The following ADAMTS6 variants were observed in gnomAD, a reference collection of about 807,000 sequenced individuals.
ADAMTS6 encodes the protein ADAM metallopeptidase with thrombospondin type 1 motif 6.
ADAMTS6 carries 23 observed loss-of-function variants against 144.3 expected under a neutral mutation model. That is an observed-to-expected ratio of 0.16 (90% CI 0.11 to 0.23). ADAMTS6 has a LOEUF of 0.23. Ranked by LOEUF, ADAMTS6 falls within the 10% of genes least tolerant of loss-of-function variation. ADAMTS6 has a pLI of 1.00. For missense variants in ADAMTS6, 999 were observed against 1,379.6 expected (o/e 0.72, Z 4.37); for synonymous variants, 444 against 457.5 (o/e 0.97, Z 0.38).
At chr5:65,457,357 T>C (rs1759289479) in intron 4 of ADAMTS6, among the ~76,000 whole-genome samples, 2 of 152,090 alleles carry the variant, frequency 1.3e-5, no homozygotes, top group South Asian at 4.1e-4. Context: ...GGCAAGTGAA[T>C]TAAAAACATT....
chr5:65,313,507 C>A (rs188891518), intron 9 of ADAMTS6, among the ~76,000 whole-genome samples: 6 of 151,580 alleles, frequency 4.0e-5, no homozygotes, highest in African/African-American at 1.5e-4. Flanking sequence ...TCTTACTGGC[C>A]CTGACCAAAA....
chr5:65,229,916 T>C (rs960042819), intron 15 of ADAMTS6, among the ~76,000 whole-genome samples: 1 of 152,050 alleles, frequency 6.6e-6, no homozygotes. Flanking sequence ...AGCTCAAAGA[T>C]CTCTAATAAG....
At chr5:65,196,809 C>G (rs1755415192) in intron 21 of ADAMTS6, among the ~76,000 whole-genome samples, 1 of 151,978 alleles carries the variant, frequency 6.6e-6, no homozygotes, top group Non-Finnish European at 1.5e-5. Context: ...CATTGAAGTT[C>G]CTGCTTTAAA....
intron 7 of ADAMTS6, among the ~76,000 whole-genome samples, chr5:65,421,108 C>G (rs974526778): frequency 1.3e-5 from 2 of 152,124 alleles, no homozygotes; most frequent in African/African-American, 2.4e-5. Flanking sequence ...TTAGTCACCA[C>G]GTTGACTGTT....
intron 24 of ADAMTS6, among the ~76,000 whole-genome samples, chr5:65,152,249 G>T (rs1752179070): frequency 6.6e-6 from 1 of 152,194 alleles, no homozygotes; most frequent in South Asian, 2.1e-4. Flanking sequence ...TAGGATAAGT[G>T]ATCACTTTAG....
chr5:65,154,780 A>G (rs1752318776), intron 24 of ADAMTS6, among the ~76,000 whole-genome samples: 1 of 152,270 alleles, frequency 6.6e-6, no homozygotes. Context: ...TCTCATTATT[A>G]ACAGCAAAAC....
At chr5:65,365,043 A>G (rs1157377422) in intron 7 of ADAMTS6, among the ~76,000 whole-genome samples, 1 of 152,182 alleles carries the variant, frequency 6.6e-6, no homozygotes, top group African/African-American at 2.4e-5. Context: ...GCAGAGAGGA[A>G]CTACTTAACT....
chr5:65,448,561 T>C (rs947547770), intron 7 of ADAMTS6, among the ~76,000 whole-genome samples: 62 of 152,100 alleles, frequency 4.1e-4, no homozygotes, highest in Admixed American at 2.1e-3. Flanking sequence ...CATGCCATTC[T>C]CCTGCCTCAG....
chr5:65,411,463 A>G (rs1277587351), intron 7 of ADAMTS6, among the ~76,000 whole-genome samples: 1 of 152,222 alleles, frequency 6.6e-6, no homozygotes. Context: ...CCAAATTTCT[A>G]TAAATGACTG....
chr5:65,290,798 A>AT (rs1173812483), intron 11 of ADAMTS6, among the ~76,000 whole-genome samples: 3 of 151,198 alleles, frequency 2.0e-5, no homozygotes, highest in South Asian at 2.1e-4. Context: ...TGATGCCTAC[A>AT]TTTTTTTTTC....
At chr5:65,428,843 T>C (rs1756765884) in intron 7 of ADAMTS6, among the ~76,000 whole-genome samples, 2 of 151,916 alleles carry the variant, frequency 1.3e-5, no homozygotes, top group Non-Finnish European at 2.9e-5. Context: ...CACACAAAAA[T>C]ACTACAGAAA....
At chr5:65,318,659 T>C (rs994085908) in intron 9 of ADAMTS6, among the ~76,000 whole-genome samples, 2 of 152,132 alleles carry the variant, frequency 1.3e-5, no homozygotes, top group African/African-American at 4.8e-5. Flanking sequence ...TTTTCACTTA[T>C]TTGTGGGAGC....
chr5:65,319,101 A>G (rs183609745), intron 9 of ADAMTS6, among the ~76,000 whole-genome samples: 152 of 152,312 alleles, frequency 1.0e-3, no homozygotes, highest in African/African-American at 3.5e-3. Flanking sequence ...TTTCAATATT[A>G]GAAAGATTAA....
intron 7 of ADAMTS6, chr5:65,415,615 C>A: frequency 3.1e-6 from 1 of 324,136 alleles, no homozygotes; most frequent in Non-Finnish European, 6.1e-6. Context: ...ATCAAGGAGT[C>A]TGAGATCACT....
chr5:65,399,370 A>G (rs985738836), intron 7 of ADAMTS6, among the ~76,000 whole-genome samples: 1 of 152,184 alleles, frequency 6.6e-6, no homozygotes, highest in African/African-American at 2.4e-5. Flanking sequence ...GATATTCACA[A>G]TATTTATTAA....
chr5:65,209,388 G>C (rs1197494759), intron 20 of ADAMTS6, among the ~76,000 whole-genome samples: 1 of 152,168 alleles, frequency 6.6e-6, no homozygotes. Flanking sequence ...TTTTGGGCTT[G>C]GATTTCTCTC....
chr5:65,347,867 T>C (rs758853314), intron 7 of ADAMTS6, among the ~76,000 whole-genome samples: 2 of 152,064 alleles, frequency 1.3e-5, no homozygotes, highest in Non-Finnish European at 2.9e-5. Context: ...GCAAATGACA[T>C]GAACAGACAT....
At chr5:65,213,565 G>T (rs1187389654) in intron 20 of ADAMTS6, among the ~76,000 whole-genome samples, 1 of 151,742 alleles carries the variant, frequency 6.6e-6, no homozygotes, top group African/African-American at 2.4e-5. Flanking sequence ...AGCCCAGGAG[G>T]TTGAGGCTGC....
intron 12 of ADAMTS6, among the ~76,000 whole-genome samples, chr5:65,271,733 T>C (rs183875002): frequency 3.3e-5 from 5 of 152,296 alleles, no homozygotes; most frequent in African/African-American, 1.2e-4. Flanking sequence ...AAGAAACAGA[T>C]TCTCCCTGTG....
Sources: allele counts gnomAD v4.1 joint callset (sites outside exome capture counted in the v4.1 genomes callset), GRCh38; gene constraint gnomAD v4.1.1; transcripts MANE v1.5; gene names NCBI Gene and HGNC (gene_info 2026-07-23, HGNC 2026-07-21).